Variants in NCR1 observed in about 807,000 individuals in gnomAD.
NCR1 encodes NK cell-activating receptor.
In NCR1, 30 loss-of-function variants were observed where a neutral mutation model predicts 32.5. That is an observed-to-expected ratio of 0.92 (90% CI 0.69 to 1.25). The LOEUF (loss-of-function observed/expected upper bound fraction) is 1.25. NCR1 is among the 50% of genes most tolerant of loss of function. The pLI is 0.00. For missense variants in NCR1, 369 were observed against 380.7 expected (o/e 0.97, Z 0.26); for synonymous variants, 169 against 143.4 (o/e 1.18, Z -1.28).
At chr19:54,933,797 G>T in the NCR1 span, 2 of 1,427,938 alleles carry the variant, frequency 1.4e-6, no homozygotes, top group Non-Finnish European at 2.0e-6. Flanking sequence ...ACTCCAACCT[G>T]CTCAGTGATG....
the NCR1 span, among the ~76,000 whole-genome samples, chr19:54,934,988 C>T: frequency 1.2e-3 from 181 of 152,248 alleles, 3 homozygotes; most frequent in East Asian, 0.025. This position sits in a 1 kb window ranked among gnomAD's most constrained non-coding sequence, Gnocchi z 6.7. Context: ...TGAGCCACCG[C>T]GCCTGGCCCA....
downstream of NCR1, among the ~76,000 whole-genome samples, chr19:54,919,717 C>T (rs112377848): frequency 0.029 from 4,145 of 143,170 alleles, 360 homozygotes; most frequent in African/African-American, 0.099. Context: ...AAGGGAGACC[C>T]CCCCCCCCAC....
chr19:54,919,717 C>CCCA (rs1388507289), downstream of NCR1, among the ~76,000 whole-genome samples: 3 of 143,060 alleles, frequency 2.1e-5, no homozygotes, highest in Admixed American at 1.4e-4. Flanking sequence ...AAGGGAGACC[C>CCCA]CCCCCCCCAC....
upstream of NCR1, among the ~76,000 whole-genome samples, chr19:54,903,697 A>T (rs1031902919): frequency 1.3e-5 from 2 of 149,248 alleles, no homozygotes; most frequent in East Asian, 4.0e-4. Flanking sequence ...ATATGTGTAT[A>T]TATATAAAAG....
downstream of NCR1, among the ~76,000 whole-genome samples, chr19:54,913,932 G>A (rs1315278757): frequency 6.6e-6 from 1 of 152,010 alleles, no homozygotes; most frequent in Non-Finnish European, 1.5e-5. Context: ...GCCAGGTATG[G>A]TGGCGTGTGC....
downstream of NCR1, among the ~76,000 whole-genome samples, chr19:54,917,569 C>T (rs2068161492): frequency 6.6e-6 from 1 of 152,134 alleles, no homozygotes; most frequent in Non-Finnish European, 1.5e-5. Context: ...GATCCGCCCA[C>T]CTTGGCCTCC....
At chr19:54,936,089 G>A in the NCR1 span, among the ~76,000 whole-genome samples, 4 of 152,154 alleles carry the variant, frequency 2.6e-5, no homozygotes, top group African/African-American at 9.6e-5. Flanking sequence ...CAACACAGAA[G>A]ACAAGCTGGT....
At chr19:54,903,702 TA>T (rs199952856), upstream of NCR1, among the ~76,000 whole-genome samples, 7,589 of 149,044 alleles carry the variant, frequency 0.051, 274 homozygotes, top group Admixed American at 0.1. Flanking sequence ...TGTATATATA[TA>T]AAAGGTATAT....
chr19:54,911,644 C>T (rs761175297), intron 5 of NCR1, among the ~76,000 whole-genome samples: 2 of 151,852 alleles, frequency 1.3e-5, no homozygotes, highest in Admixed American at 6.6e-5. Context: ...TACAGCTACT[C>T]GGGGCTGAAG....
At chr19:54,934,040 T>G in the NCR1 span, among the ~76,000 whole-genome samples, 1 of 152,054 alleles carries the variant, frequency 6.6e-6, no homozygotes, top group African/African-American at 2.4e-5. The surrounding 1 kb of genome is among the most constrained non-coding windows in gnomAD (Gnocchi z 6.7). Context: ...GCCTCCCAGG[T>G]TTACACCATT....
At chr19:54,926,224 G>GTC in the NCR1 span, among the ~76,000 whole-genome samples, 1 of 151,166 alleles carries the variant, frequency 6.6e-6, no homozygotes, top group Admixed American at 6.6e-5. Flanking sequence ...GTGTGTGTGT[G>GTC]TGTGCTCATG....
At chr19:54,937,960 G>C in the NCR1 span, 4 of 915,202 alleles carry the variant, frequency 4.4e-6, no homozygotes, top group African/African-American at 1.7e-5. Flanking sequence ...AGATGAAACA[G>C]CACATTTCCA....
chr19:54,928,691 G>T, the NCR1 span, among the ~76,000 whole-genome samples: 6 of 152,130 alleles, frequency 3.9e-5, no homozygotes, highest in Non-Finnish European at 5.9e-5. Context: ...TGCTAACTGG[G>T]GGAGGGAATC....
intron 3 of NCR1, among the ~76,000 whole-genome samples, chr19:54,908,575 G>A (rs1417246153): frequency 2.0e-5 from 3 of 151,010 alleles, no homozygotes. Flanking sequence ...GGGCAGAGGC[G>A]CCCCCCCACC....
rs587605480 is a variant in NCR1, at chr19:54,909,637, C to A, written c.634+114C>A. ...CCAAGGGACGTCCACTTCCTGGGTGCCTGGTTGGTCATGTGAGGAAGAACA... is the reference window on the plus strand; with the variant it reads ...CCAAGGGACGTCCACTTCCTGGGTGACTGGTTGGTCATGTGAGGAAGAACA... On this transcript the variant is annotated intron_variant, in intron 4 of 6. Coordinates refer to ENST00000291890, the MANE Select transcript of NCR1 (RefSeq NM_004829.7). 1.6e-5 allele frequency: 21 copies of A among 1,317,550 alleles called. No individual in the cohort carries two copies. The African/African-American group carries it at 3.1e-4, about 20-fold the overall frequency. 81.6% of individuals were successfully genotyped at this position (1,317,550 alleles called of 1,614,324 possible).
upstream of NCR1, among the ~76,000 whole-genome samples, chr19:54,901,587 G>A (rs1672321649): frequency 6.6e-6 from 1 of 152,198 alleles, no homozygotes; most frequent in Non-Finnish European, 1.5e-5. Flanking sequence ...GTGGGAGGCT[G>A]AGGCAGGCGG....
At chr19:54,904,479 T>A (rs146170780), upstream of NCR1, among the ~76,000 whole-genome samples, 80 of 151,778 alleles carry the variant, frequency 5.3e-4, 1 homozygote, top group Middle Eastern at 3.4e-3. Context: ...CCTTACCCAA[T>A]GTTTAGCGCT....
At chr19:54,934,716 C>CTTTT in the NCR1 span, 1 of 1,129,370 alleles carries the variant, frequency 8.9e-7, no homozygotes, top group Non-Finnish European at 1.2e-6. The surrounding 1 kb of genome is among the most constrained non-coding windows in gnomAD (Gnocchi z 6.7). Flanking sequence ...ACCCTATCAG[C>CTTTT]TTTTTTTTTT....
the NCR1 span, among the ~76,000 whole-genome samples, chr19:54,931,918 G>A: frequency 6.6e-6 from 1 of 151,732 alleles, no homozygotes; most frequent in South Asian, 2.1e-4. Flanking sequence ...CAACAGCTTA[G>A]GCTCTGGGTT....
Sources: allele counts gnomAD v4.1 joint callset (sites outside exome capture counted in the v4.1 genomes callset), GRCh38; gene constraint gnomAD v4.1.1; non-coding constraint Gnocchi (gnomAD v3.1); transcripts MANE v1.5; gene names NCBI Gene and HGNC (gene_info 2026-07-23, HGNC 2026-07-21).